The following PLAC1 variants were observed in gnomAD, a reference collection of about 807,000 sequenced individuals.
The protein encoded by PLAC1 is placenta-specific protein 1.
For synonymous variants in PLAC1, 68 were observed against 62.1 expected (o/e 1.09, Z -0.44); for missense variants, 136 against 163.2 (o/e 0.83, Z 0.91).
intron 2 of PLAC1, among the ~76,000 whole-genome samples, chrX:134,567,117 C>G (rs2503989): frequency 0.48 from 53,842 of 111,089 alleles, 10,948 homozygotes; most frequent in African/African-American, 0.79. Context: ...GGCAATACTT[C>G]CCTCTTTAGG....
At chrX:134,614,331 C>G (rs1229382945) in intron 1 of PLAC1, among the ~76,000 whole-genome samples, 1 of 111,536 alleles carries the variant, frequency 9.0e-6, no homozygotes, top group Non-Finnish European at 1.9e-5. Flanking sequence ...ATATATCCAT[C>G]ACTTCACATA....
chrX:134,744,104 C>A (rs1200609458), intron 1 of PLAC1, among the ~76,000 whole-genome samples: 2 of 110,466 alleles, frequency 1.8e-5, no homozygotes, highest in Non-Finnish European at 3.8e-5. Flanking sequence ...GCCAACATGG[C>A]GAAAGCCCCA....
rs377692435 is a variant in PLAC1, at chrX:134,695,894, A to G, written n.174+37541T>C. Reference sequence around the variant, plus strand: ...TAAACTGAAAGGCCATCTAAGAAACATCTGGTAAGTTTTAGATGAAAAGCA... The same window carrying G: ...TAAACTGAAAGGCCATCTAAGAAACGTCTGGTAAGTTTTAGATGAAAAGCA... On this transcript the variant is annotated intron_variant and non_coding_transcript_variant, in intron 2 of 2. Coordinates refer to the PLAC1 transcript ENST00000466797. 3.6e-5 allele frequency among the ~76,000 whole-genome samples: 4 copies of G among 110,814 alleles called. No homozygotes were observed. The East Asian group carries it at 1.1e-3, about 31-fold the overall frequency.
At chrX:134,736,221 A>C (rs2147845485) in intron 1 of PLAC1, among the ~76,000 whole-genome samples, 1 of 110,402 alleles carries the variant, frequency 9.1e-6, no homozygotes. Flanking sequence ...GGTTGCAGTG[A>C]GCTGAGATGA....
At chrX:134,735,630 G>A (rs2078700931) in intron 1 of PLAC1, among the ~76,000 whole-genome samples, 1 of 109,308 alleles carries the variant, frequency 9.1e-6, no homozygotes, top group Non-Finnish European at 1.9e-5. Context: ...TAGCAGGGAA[G>A]AGAGAGAGAA....
chrX:134,732,899 T>C (rs1311518685), intron 2 of PLAC1, among the ~76,000 whole-genome samples: 1 of 111,888 alleles, frequency 8.9e-6, no homozygotes, highest in Non-Finnish European at 1.9e-5. Flanking sequence ...CTTAACCAGC[T>C]TGGAGTAAAA....
chrX:134,569,920 G>A (rs1351225047), intron 2 of PLAC1, among the ~76,000 whole-genome samples: 1 of 110,284 alleles, frequency 9.1e-6, no homozygotes, highest in Non-Finnish European at 1.9e-5. Flanking sequence ...CCGCCTCCTG[G>A]GTTCAAGCGA....
At chrX:134,674,411 G>C (rs1216775453) in intron 2 of PLAC1, among the ~76,000 whole-genome samples, 3 of 112,194 alleles carry the variant, frequency 2.7e-5, no homozygotes, top group Non-Finnish European at 3.8e-5. Flanking sequence ...AAGGGTTGGG[G>C]TAAGGGCAGG....
intron 2 of PLAC1, among the ~76,000 whole-genome samples, chrX:134,597,769 G>T (rs1344031950): frequency 8.9e-6 from 1 of 111,926 alleles, no homozygotes; most frequent in African/African-American, 3.2e-5. Context: ...CTATAGTAGA[G>T]CAGTAATGGT....
intron 2 of PLAC1, among the ~76,000 whole-genome samples, chrX:134,680,315 G>C (rs887388926): frequency 9.0e-6 from 1 of 111,291 alleles, no homozygotes; most frequent in Non-Finnish European, 1.9e-5. Context: ...TGCAGCCAGC[G>C]CATGACAGAG....
chrX:134,719,507 G>A (rs1395307495), intron 2 of PLAC1, among the ~76,000 whole-genome samples: 3 of 111,874 alleles, frequency 2.7e-5, no homozygotes, highest in Admixed American at 9.5e-5. Flanking sequence ...CAGGCGAGGT[G>A]TAATCCCAGC....
At chrX:134,669,723 G>T (rs1489388955) in intron 2 of PLAC1, among the ~76,000 whole-genome samples, 1 of 112,576 alleles carries the variant, frequency 8.9e-6, no homozygotes, top group Non-Finnish European at 1.9e-5. Context: ...GTGTGAGCGG[G>T]ATGCTGGGGC....
intron 1 of PLAC1, among the ~76,000 whole-genome samples, chrX:134,626,911 G>C (rs1373874105): frequency 9.0e-6 from 1 of 111,475 alleles, no homozygotes; most frequent in African/African-American, 3.3e-5. Flanking sequence ...CCTCCTAGAA[G>C]CCTCTCAATA....
At chrX:134,598,273 G>C (rs1174307680) in intron 2 of PLAC1, among the ~76,000 whole-genome samples, 1 of 111,895 alleles carries the variant, frequency 8.9e-6, no homozygotes, top group African/African-American at 3.2e-5. Flanking sequence ...CAGAACTATA[G>C]ACTAAAGTGT....
intron 2 of PLAC1, among the ~76,000 whole-genome samples, chrX:134,671,146 T>C (rs968480233): frequency 1.4e-4 from 16 of 111,912 alleles, no homozygotes; most frequent in African/African-American, 5.2e-4. Flanking sequence ...CCTGAGTAAA[T>C]GCAAAGGACT....
rs184189530 is a variant in PLAC1, at chrX:134,756,155, T to A, written n.89+8079A>T. ...CATGAGCCACCACGCCCGGCCTTCA[T>A]CATCTTTCTTTTGACTTTGCCTATC... On this transcript the variant is annotated intron_variant and non_coding_transcript_variant, in intron 1 of 2. Transcript: ENST00000466797. Among the ~76,000 whole-genome samples the A allele has an allele frequency of 2.6e-3, 291 of 110,809 alleles. 1 individual carries two copies. Among genetic ancestry groups the A allele is most frequent in the African/African-American group, 9.0e-3 (274 of 30,601 alleles).
At chrX:134,594,040 T>A (rs2078051816) in intron 2 of PLAC1, among the ~76,000 whole-genome samples, 1 of 111,034 alleles carries the variant, frequency 9.0e-6, no homozygotes, top group Non-Finnish European at 1.9e-5. Flanking sequence ...GTTGTAGGGG[T>A]TTTTTTGCAG....
chrX:134,640,184 T>A (rs2078301745), intron 1 of PLAC1, among the ~76,000 whole-genome samples: 1 of 112,093 alleles, frequency 8.9e-6, no homozygotes, highest in Admixed American at 9.4e-5. Context: ...TTTTAATACC[T>A]TCAAGGATGA....
At chrX:134,690,492 G>C (rs890232580) in intron 2 of PLAC1, among the ~76,000 whole-genome samples, 2 of 111,419 alleles carry the variant, frequency 1.8e-5, no homozygotes, top group African/African-American at 6.5e-5. Flanking sequence ...AATCTCTGGG[G>C]ATGACCTGGA....
Sources: allele counts gnomAD v4.1 joint callset (sites outside exome capture counted in the v4.1 genomes callset), GRCh38; gene constraint gnomAD v4.1.1; transcripts MANE v1.5; gene names NCBI Gene and HGNC (gene_info 2026-07-23, HGNC 2026-07-21).